ANK2: variants seen among roughly 807,000 people sequenced by gnomAD.
ANK2 encodes the protein ankyrin-2.
Under a neutral mutation model 360.5 loss-of-function variants are expected in ANK2, and 83 were observed. That is an observed-to-expected ratio of 0.23 (90% CI 0.19 to 0.28). ANK2 has a LOEUF of 0.28. ANK2 is among the 10% of genes least tolerant of loss of function. The pLI is 1.00. For missense variants in ANK2, 4,201 were observed against 4,795.7 expected (o/e 0.88, Z 3.66); for synonymous variants, 1,740 against 1,759.5 (o/e 0.99, Z 0.28).
chr4:113,314,261 TC>T (rs2081615448), intron 24 of ANK2, among the ~76,000 whole-genome samples: 1 of 152,232 alleles, frequency 6.6e-6, no homozygotes, highest in Non-Finnish European at 1.5e-5. Context: ...CTTCTTCATA[TC>T]TTAAAGCAAA....
chr4:112,815,761 A>C (rs187621291), upstream of ANK2, among the ~76,000 whole-genome samples: 7 of 152,384 alleles, frequency 4.6e-5, no homozygotes, highest in East Asian at 1.3e-3. Flanking sequence ...CATTAACAAT[A>C]GGATTCAGAG....
chr4:113,298,001 G>A lies in ANK2; in HGVS notation c.2475+4463G>A, dbSNP rs138158471. Among the ~76,000 whole-genome samples the A allele has an allele frequency of 1.0e-3, 154 of 152,040 alleles. 1 individual carries two copies. Among genetic ancestry groups the A allele is most frequent in the Admixed American group, 1.2e-3 (18 of 15,276 alleles). On this transcript the variant is annotated intron_variant, in intron 22 of 45. Transcript: ENST00000357077. ...GGGTTTTGCCACGTTGTCCAGGCTC[G>A]TCTCAAACGATCCACCTGCCTTGGC...
intron 1 of ANK2, among the ~76,000 whole-genome samples, chr4:113,152,920 C>A (rs13109440): frequency 0.68 from 103,971 of 151,910 alleles, 36,153 homozygotes; most frequent in African/African-American, 0.8. Flanking sequence ...TAGTAAAAAT[C>A]TTACAATGAT....
chr4:113,006,925 A>G (rs2053086708), intron 2 of ANK2, among the ~76,000 whole-genome samples: 1 of 152,138 alleles, frequency 6.6e-6, no homozygotes, highest in South Asian at 2.1e-4. Context: ...AAAATTTTGT[A>G]CTTTAAAAAT....
At chr4:113,365,998 C>T (rs1261217520) in intron 41 of ANK2, among the ~76,000 whole-genome samples, 1 of 152,150 alleles carries the variant, frequency 6.6e-6, no homozygotes, top group Non-Finnish European at 1.5e-5. Flanking sequence ...CTGCAAGTAT[C>T]CCTTTTGGCT....
chr4:113,038,933 C>T (rs974688084), intron 2 of ANK2, among the ~76,000 whole-genome samples: 34 of 152,140 alleles, frequency 2.2e-4, no homozygotes, highest in African/African-American at 7.9e-4. Context: ...CCACATGTAT[C>T]AGAATGAATC....
At chr4:112,869,639 A>G (rs116348389) in intron 1 of ANK2, among the ~76,000 whole-genome samples, 1 of 152,134 alleles carries the variant, frequency 6.6e-6, no homozygotes, top group Admixed American at 6.5e-5. Context: ...ACAAAGCCCA[A>G]TGTATTTATT....
chr4:113,050,773 A>T (rs2066617790), intron 1 of ANK2, among the ~76,000 whole-genome samples: 2 of 152,230 alleles, frequency 1.3e-5, no homozygotes, highest in South Asian at 4.1e-4. Flanking sequence ...GAATAAGCAG[A>T]TTGCAAAAAA....
intron 20 of ANK2, 87 bp from the exon 21 acceptor site, chr4:113,292,329 A>T: frequency 8.4e-7 from 1 of 1,196,012 alleles, no homozygotes; most frequent in Non-Finnish European, 1.2e-6. Flanking sequence ...TTTTGTTGTA[A>T]ATAAGACTAT....
intron 2 of ANK2, among the ~76,000 whole-genome samples, chr4:113,038,211 C>T (rs1022370146): frequency 6.6e-6 from 1 of 151,888 alleles, no homozygotes; most frequent in South Asian, 2.1e-4. Context: ...AAAAGCTGCA[C>T]TGTAGTTTAA....
At chr4:113,211,595 C>T (rs986748647) in intron 4 of ANK2, among the ~76,000 whole-genome samples, 2 of 152,088 alleles carry the variant, frequency 1.3e-5, no homozygotes, top group African/African-American at 4.8e-5. Context: ...TTTTGCTTTA[C>T]TTGGGGGGTG....
intron 1 of ANK2, among the ~76,000 whole-genome samples, chr4:112,896,669 C>G (rs925018368): frequency 6.6e-6 from 1 of 152,180 alleles, no homozygotes; most frequent in Non-Finnish European, 1.5e-5. Flanking sequence ...AGCTTTTGGT[C>G]AAGTTTTTAC....
chr4:113,108,178 C>T (rs2093875506), intron 1 of ANK2, among the ~76,000 whole-genome samples: 1 of 152,114 alleles, frequency 6.6e-6, no homozygotes, highest in Non-Finnish European at 1.5e-5. Flanking sequence ...GGCATTGTCT[C>T]ACTGGTTTGT....
At chr4:112,794,911 G>A in the ANK2 span, among the ~76,000 whole-genome samples, 1 of 152,182 alleles carries the variant, frequency 6.6e-6, no homozygotes, top group South Asian at 2.1e-4. Context: ...ATGAGCCTGG[G>A]CTATGGAGTC....
the ANK2 span, among the ~76,000 whole-genome samples, chr4:112,713,851 G>A: frequency 4.7e-5 from 7 of 148,750 alleles, no homozygotes; most frequent in South Asian, 1.1e-3. Context: ...TGGGAATGGC[G>A]TGAACCCGGG....
At chr4:113,048,418 C>A (rs1342609854), upstream of ANK2, among the ~76,000 whole-genome samples, 2 of 139,226 alleles carry the variant, frequency 1.4e-5, no homozygotes, top group African/African-American at 5.3e-5. Flanking sequence ...CCAGCCTCCC[C>A]ACACCTGGCT....
chr4:113,217,717 C>T (rs1369809257), intron 4 of ANK2, among the ~76,000 whole-genome samples: 1 of 152,156 alleles, frequency 6.6e-6, no homozygotes, highest in Non-Finnish European at 1.5e-5. Context: ...CCGCCTCTCC[C>T]CCGCCCCGAC....
rs747440582 is a variant in ANK2, at chr4:113,356,136, G to T, written c.7518G>T (p.Arg2506=). 11 of 1,613,956 alleles carry T rather than the reference G, an allele frequency of 6.8e-6. No homozygotes were observed. Among genetic ancestry groups the T allele is most frequent in the Non-Finnish European group, 9.3e-6 (11 of 1,179,986 alleles). ...TELLTEVASV[R]SRLLRDPDGS... ...TCTTGACGGAAGTGGCCTCTGTGCG[G>T]TCCCGGCTACTCCGAGACCCTGATG... Residue 2506 remains arginine (R), a synonymous_variant, in exon 38 of 46, where the codon CGG becomes CGT. Coordinates refer to ENST00000357077, the MANE Select transcript of ANK2 (RefSeq NM_001148.6).
At chr4:113,367,504 T>C in intron 41 of ANK2, 62 bp from the exon 42 acceptor site, 1 of 1,461,602 alleles carries the variant, frequency 6.8e-7, no homozygotes, top group South Asian at 1.2e-5. Context: ...ATTTATTACT[T>C]AATAAATATC....
Sources: gnomAD v4.1 joint callset for allele counts (sites outside exome capture counted in the v4.1 genomes callset) on GRCh38, gnomAD v4.1.1 for gene constraint, MANE v1.5 for transcripts, NCBI Gene and HGNC (gene_info 2026-07-23, HGNC 2026-07-21) for gene names.